Variants in EPM2A observed in about 807,000 individuals in gnomAD.
The protein encoded by EPM2A is laforin.
Under a neutral mutation model 26.5 loss-of-function variants are expected in EPM2A, and 21 were observed. That is an observed-to-expected ratio of 0.79 (90% confidence interval 0.56 to 1.14). The LOEUF is 1.14. Among genes scored for constraint, EPM2A ranks in the 50% most tolerant of loss-of-function variants. The pLI is 0.00. For synonymous variants in EPM2A, 217 were observed against 177.6 expected (o/e 1.22, Z -1.76); for missense variants, 458 against 440.8 (o/e 1.04, Z -0.35).
At chr6:145,452,835 G>A (rs1342786865) in intron 4 of EPM2A, among the ~76,000 whole-genome samples, 1 of 152,112 alleles carries the variant, frequency 6.6e-6, no homozygotes, top group Non-Finnish European at 1.5e-5. Flanking sequence ...AGGGCTGAAT[G>A]TGTGCACACT....
chr6:145,597,051 C>T (rs1486630535), intron 2 of EPM2A, among the ~76,000 whole-genome samples: 17 of 151,200 alleles, frequency 1.1e-4, no homozygotes, highest in Admixed American at 9.9e-4. Context: ...CCCGCCACCG[C>T]GCCTGGCTAA....
chr6:145,546,425 C>T (rs547589686), intron 2 of EPM2A, among the ~76,000 whole-genome samples: 1 of 152,098 alleles, frequency 6.6e-6, no homozygotes, highest in Non-Finnish European at 1.5e-5. Context: ...TCAGTGAGGG[C>T]AGATCTTCCT....
Position 145,627,376 on chromosome 6 carries a change from C to T in EPM2A, c.*40G>A. 2 of 1,612,722 alleles carry T rather than the reference C, an allele frequency of 1.2e-6. No homozygotes were observed. Among genetic ancestry groups the T allele is most frequent in the South Asian group, 2.2e-5 (2 of 91,000 alleles). On this transcript the variant is annotated 3_prime_UTR_variant, in exon 4 of 4. Coordinates refer to ENST00000367519, the MANE Select transcript of EPM2A (RefSeq NM_005670.4). ...CATTTGACCAACATCATCCCAGGCTCCTTAGGGAAATCAGGAGGGGGCAGA... is the reference window on the plus strand; with the variant it reads ...CATTTGACCAACATCATCCCAGGCTTCTTAGGGAAATCAGGAGGGGGCAGA...
chr6:145,479,161 A>G (rs1779581614), intron 4 of EPM2A, among the ~76,000 whole-genome samples: 1 of 150,998 alleles, frequency 6.6e-6, no homozygotes, highest in Non-Finnish European at 1.5e-5. Flanking sequence ...GTCTTCCAGT[A>G]GTAAAGATCT....
At chr6:145,605,592 G>A (rs1255311716) in intron 2 of EPM2A, among the ~76,000 whole-genome samples, 3 of 152,030 alleles carry the variant, frequency 2.0e-5, no homozygotes, top group Non-Finnish European at 4.4e-5. Context: ...ATGGCTCAGA[G>A]GTAGACCAAC....
intron 2 of EPM2A, among the ~76,000 whole-genome samples, chr6:145,655,061 G>C (rs1400077725): frequency 6.6e-6 from 1 of 151,888 alleles, no homozygotes; most frequent in Non-Finnish European, 1.5e-5. Context: ...TGGTTTTGTT[G>C]AATTTGTGTG....
chr6:145,442,291 A>G (rs1391371520), intron 4 of EPM2A, among the ~76,000 whole-genome samples: 2 of 152,194 alleles, frequency 1.3e-5, no homozygotes, highest in Non-Finnish European at 2.9e-5. Flanking sequence ...TTTTCAGCAG[A>G]ACCCCACTCC....
intron 4 of EPM2A, among the ~76,000 whole-genome samples, chr6:145,461,347 TAAC>T (rs1166570007): frequency 6.6e-6 from 1 of 152,190 alleles, no homozygotes; most frequent in Non-Finnish European, 1.5e-5. Flanking sequence ...TGTATGTGCA[TAAC>T]AGGCAGTTGG....
At chr6:145,451,100 T>C (rs536859844) in intron 4 of EPM2A, among the ~76,000 whole-genome samples, 9 of 152,312 alleles carry the variant, frequency 5.9e-5, no homozygotes, top group Middle Eastern at 3.4e-3. Context: ...TGATACGGTT[T>C]AAGCTTTTAA....
chr6:145,471,395 A>G (rs1004525832), intron 4 of EPM2A, among the ~76,000 whole-genome samples: 2 of 152,308 alleles, frequency 1.3e-5, no homozygotes, highest in South Asian at 2.1e-4. Context: ...ATCCCTCACA[A>G]GGACACCAAG....
intron 2 of EPM2A, among the ~76,000 whole-genome samples, chr6:145,599,923 G>T (rs550987134): frequency 6.6e-6 from 1 of 151,996 alleles, no homozygotes; most frequent in East Asian, 1.9e-4. Flanking sequence ...TAAATTACAA[G>T]TATATTTCTT....
chr6:145,530,170 A>G (rs1185719879), intron 2 of EPM2A, among the ~76,000 whole-genome samples: 1 of 152,140 alleles, frequency 6.6e-6, no homozygotes, highest in African/African-American at 2.4e-5. Context: ...ACCACCTCCA[A>G]CAGAGGCCAC....
At chr6:145,616,286 C>G (rs1205419581) in intron 2 of EPM2A, among the ~76,000 whole-genome samples, 5 of 152,242 alleles carry the variant, frequency 3.3e-5, no homozygotes, top group African/African-American at 1.2e-4. Flanking sequence ...AAGCCTCAAG[C>G]CTTGGCAGCT....
In EPM2A at chr6:145,625,622, C is replaced by T. The variant is rs1775750329; in HGVS notation, c.*1794G>A. 2.8e-6 allele frequency: 2 copies of T among 718,494 alleles called. No individual in the cohort carries two copies. The highest frequency in any genetic ancestry group is 1.7e-5 in the African/African-American group (1 of 57,380). 44.5% of individuals were successfully genotyped at this position (718,494 alleles called of 1,614,324 possible). On this transcript the variant is annotated 3_prime_UTR_variant, in exon 4 of 4. Coordinates refer to ENST00000367519, the MANE Select transcript of EPM2A (RefSeq NM_005670.4). ...GAGTTACCTGAATACCAATTATTACCTCTAGTTATTTTTAGCAAGGGAGCT... is the reference window on the plus strand; with the variant it reads ...GAGTTACCTGAATACCAATTATTACTTCTAGTTATTTTTAGCAAGGGAGCT...
At chr6:145,459,773 G>A (rs1411109563) in intron 4 of EPM2A, among the ~76,000 whole-genome samples, 2 of 151,938 alleles carry the variant, frequency 1.3e-5, no homozygotes, top group South Asian at 2.1e-4. Flanking sequence ...ATATAACTTT[G>A]CCAACTTATC....
chr6:145,544,236 A>G (rs908326022), intron 2 of EPM2A, among the ~76,000 whole-genome samples: 5 of 152,168 alleles, frequency 3.3e-5, no homozygotes, highest in African/African-American at 1.2e-4. Context: ...TGCTGCTCAC[A>G]GATTGCTAAG....
At chr6:145,501,484 T>A (rs983015688), downstream of EPM2A, 2 of 182,734 alleles carry the variant, frequency 1.1e-5, no homozygotes, top group East Asian at 3.0e-4. Flanking sequence ...GGCCACCTGG[T>A]TGGTCTCAGT....
At chr6:145,496,198 A>G (rs1779818788) in intron 4 of EPM2A, among the ~76,000 whole-genome samples, 1 of 152,054 alleles carries the variant, frequency 6.6e-6, no homozygotes, top group African/African-American at 2.4e-5. Flanking sequence ...TTCCCTTTGT[A>G]GGTAATCTGG....
At chr6:145,517,113 A>G (rs1317585287) in intron 2 of EPM2A, among the ~76,000 whole-genome samples, 2 of 152,196 alleles carry the variant, frequency 1.3e-5, no homozygotes, top group African/African-American at 4.8e-5. Context: ...TACAACTACT[A>G]TACAATACCA....
Sources: allele counts gnomAD v4.1 joint callset (sites outside exome capture counted in the v4.1 genomes callset), GRCh38; gene constraint gnomAD v4.1.1; transcripts MANE v1.5; gene names NCBI Gene and HGNC (gene_info 2026-07-23, HGNC 2026-07-21).